Variants in GLI2 observed in about 807,000 individuals in gnomAD.
GLI2 encodes the protein GLI family zinc finger 2.
A neutral mutation model predicts 78.9 loss-of-function variants in GLI2; 22 were observed. The observed-to-expected ratio is 0.28, with a 90% confidence interval of 0.20 to 0.40. The LOEUF (loss-of-function observed/expected upper bound fraction) is 0.40, where lower values mean the gene tolerates loss of function less well. GLI2 is among the 10% of genes least tolerant of loss of function. The pLI, the probability that GLI2 is intolerant of heterozygous loss-of-function variation, is 1.00. For synonymous variants in GLI2, 974 were observed against 963.7 expected (o/e 1.01, Z -0.20); for missense variants, 2,097 against 2,213.2 (o/e 0.95, Z 1.05).
Position 120,990,705 on chromosome 2 carries a change from C to T in GLI2, c.*30C>T, listed in dbSNP as rs374028698. ...CCGAGCGCCTGGTGCTGAGTGCACC[C>T]GGAGGGGTCATCGCTGCCCAGAGCC... On this transcript the variant is annotated 3_prime_UTR_variant, in exon 14 of 14. Transcript: ENST00000361492. 2.6e-5 allele frequency: 41 copies of T among 1,576,294 alleles called. 1 individual carries two copies. The highest frequency in any genetic ancestry group is 3.4e-4 in the Middle Eastern group (2 of 5,966).
rs558198227 is a variant in GLI2, at chr2:120,982,609, G to T, written c.1468-107G>T. ...CCTTAAAATGCATGCTTCTGAGTGC[G>T]CTGACGGGTTGGAGCAGAGCAGAGA... On this transcript the variant is annotated intron_variant, in intron 10 of 13. Coordinates refer to ENST00000361492, the MANE Select transcript of GLI2 (RefSeq NM_001374353.1). 5 of 848,444 alleles carry T rather than the reference G, an allele frequency of 5.9e-6. No individual in the cohort carries two copies. In the Admixed American group the frequency reaches 6.9e-5, roughly 12 times the overall value. 52.6% of individuals were successfully genotyped at this position (848,444 alleles called of 1,614,324 possible). A position where few individuals can be genotyped will look rare whatever the true frequency, so the allele number is the denominator to read the frequency against.
intron 6 of GLI2, 48 bp from the exon 7 acceptor site, chr2:120,970,345 G>GAGCTCCCGATCCCCC: frequency 1.0e-6 from 1 of 996,774 alleles, no homozygotes; most frequent in South Asian, 1.3e-5. Flanking sequence ...CAGCCTAAGA[G>GAGCTCCCGATCCCCC]AGCTCCCGAT....
In GLI2 at chr2:120,797,212, C is replaced by T. The variant is rs369886504; in HGVS notation, c.-30-79C>T. 1.9e-4 allele frequency: 201 copies of T among 1,032,618 alleles called. 5 individuals are homozygous for T. The highest frequency in any genetic ancestry group is 1.5e-3 in the South Asian group (122 of 79,032). 64.0% of individuals were successfully genotyped at this position (1,032,618 alleles called of 1,614,324 possible). ...TGAAGTTGGTTGCTTTAGGAGCGAG[C>T]GGCGGTGTGAATCTGGGTCGGCGTT... On this transcript the variant is annotated intron_variant, in intron 1 of 13. Transcript: ENST00000361492.
At chr2:120,979,809 C>T (rs1403760862) in intron 10 of GLI2, among the ~76,000 whole-genome samples, 1 of 152,042 alleles carries the variant, frequency 6.6e-6, no homozygotes, top group Non-Finnish European at 1.5e-5. Context: ...TAATTCTGTC[C>T]TTCCCACAGC....
rs1438556054 is a variant in GLI2, at chr2:120,989,115, G to A, written c.3150G>A (p.Val1050=). The change falls in exon 14 of 14, where the codon GTG becomes GTA. Residue 1050 remains valine (V), a synonymous_variant. Coordinates refer to ENST00000361492, the MANE Select transcript of GLI2 (RefSeq NM_001374353.1). ...ACCTGGTGCTTCCAGACGACGTGGT[G>A]CAGTACATCAAGGCGCACGCCAGTG... ...EDDLVLPDDV[V]QYIKAHASGA... 6.2e-7 allele frequency: 1 copy of A among 1,612,890 alleles called. No homozygotes were observed. The highest frequency in any genetic ancestry group is 1.1e-5 in the South Asian group (1 of 91,086).
At chr2:120,959,337 T>A (rs28361410) in intron 5 of GLI2, among the ~76,000 whole-genome samples, 277 of 152,292 alleles carry the variant, frequency 1.8e-3, no homozygotes, top group African/African-American at 6.4e-3. Flanking sequence ...TATCAGTTTC[T>A]CCAGCTCCAG....
intron 2 of GLI2, among the ~76,000 whole-genome samples, chr2:120,915,013 A>G (rs1189538296): frequency 6.6e-6 from 1 of 152,086 alleles, no homozygotes; most frequent in Non-Finnish European, 1.5e-5. Flanking sequence ...CCAGACCCAA[A>G]TGGCACGGGG....
chr2:120,854,347 C>G (rs561745432), intron 2 of GLI2, among the ~76,000 whole-genome samples: 3 of 152,216 alleles, frequency 2.0e-5, no homozygotes, highest in Non-Finnish European at 2.9e-5. Context: ...TTGGGTCCCA[C>G]TTTTAAGAGG....
rs185218373 is a variant in GLI2 at position 120,929,794 on chromosome 2, C to A, written c.254+2328C>A. On this transcript the variant is annotated intron_variant, in intron 3 of 13. Transcript: ENST00000361492. ...ATGTCTGCCTGGTGGGTGTTGGAGT[C>A]ATTTCCACCCTCTGCTCACCTCCAG... 3.3e-5 allele frequency among the ~76,000 whole-genome samples: 5 copies of A among 152,302 alleles called. No individual in the cohort carries two copies. The East Asian group carries it at 9.6e-4, about 29-fold the overall frequency.
At chr2:120,826,595 C>T (rs1052532601) in intron 2 of GLI2, among the ~76,000 whole-genome samples, 9 of 152,158 alleles carry the variant, frequency 5.9e-5, no homozygotes, top group South Asian at 2.1e-4. Flanking sequence ...TATGGTCTTT[C>T]GTGTCTAATC....
intron 2 of GLI2, among the ~76,000 whole-genome samples, chr2:120,859,486 C>T (rs1335035947): frequency 1.4e-5 from 2 of 144,370 alleles, no homozygotes; most frequent in African/African-American, 5.2e-5. Flanking sequence ...GACAGAGTCT[C>T]GCTCTGTCAC....
chr2:120,736,439 G>C (rs1558772919), intron 1 of GLI2, among the ~76,000 whole-genome samples, 154 bp downstream of exon 1: 1 of 152,076 alleles, frequency 6.6e-6, no homozygotes, highest in African/African-American at 2.4e-5. Flanking sequence ...CTGGGCTTCG[G>C]GGGACTAGAG....
intron 2 of GLI2, among the ~76,000 whole-genome samples, chr2:120,859,860 C>T (rs1371067144): frequency 6.6e-6 from 1 of 152,156 alleles, no homozygotes; most frequent in East Asian, 1.9e-4. Flanking sequence ...GGCCTCTTGG[C>T]CAGGCTGGTC....
At chr2:120,964,153 A>G (rs774363349) in intron 5 of GLI2, among the ~76,000 whole-genome samples, 1 of 152,214 alleles carries the variant, frequency 6.6e-6, no homozygotes, top group East Asian at 1.9e-4. Flanking sequence ...AGGCCTGAGC[A>G]TAGGGAAGAT....
At chr2:120,746,727 A>G (rs1265407914) in intron 1 of GLI2, among the ~76,000 whole-genome samples, 1 of 152,200 alleles carries the variant, frequency 6.6e-6, no homozygotes, top group Non-Finnish European at 1.5e-5. Flanking sequence ...AAACTAAGAC[A>G]TGCCTTTTTA....
chr2:120,808,598 C>G (rs570186746), intron 2 of GLI2, among the ~76,000 whole-genome samples: 7 of 152,186 alleles, frequency 4.6e-5, no homozygotes, highest in Non-Finnish European at 1.0e-4. Context: ...GTTGCCAGTC[C>G]CCAGACTGTG....
rs539450038 is a variant in GLI2, at chr2:120,879,774, T to C, written c.149-47587T>C. The stretch of plus-strand genomic sequence containing the variant: ...AAAAGCAGTAGATTCCAATTGAGTG[T>C]GTTAAACTCTGCACGCGCCTGTTCT... On this transcript the variant is annotated intron_variant, in intron 2 of 13. Transcript: ENST00000361492. Among the ~76,000 whole-genome samples the C allele has an allele frequency of 1.1e-4, 17 of 152,340 alleles. No homozygotes were observed. In the South Asian group the frequency reaches 1.9e-3, roughly 17 times the overall value.
chr2:120,840,385 T>G (rs1686810111), intron 2 of GLI2, among the ~76,000 whole-genome samples: 1 of 152,214 alleles, frequency 6.6e-6, no homozygotes, highest in Admixed American at 6.5e-5. Context: ...GTGACTCTTG[T>G]GTGTGTGTCT....
Position 120,827,226 on chromosome 2 carries a change from C to T in GLI2, c.148+29758C>T, listed in dbSNP as rs1457545998. Among the ~76,000 whole-genome samples, 9 of 152,334 alleles carry T rather than the reference C, an allele frequency of 5.9e-5. 1 individual carries two copies. Among genetic ancestry groups the T allele is most frequent in the Middle Eastern group, 6.8e-3 (2 of 294 alleles). The stretch of plus-strand genomic sequence containing the variant: ...TTCAGGACAGCGGAGTTGGCACAGC[C>T]AAACCCGAGTGTCTGCTGATATGCT... On this transcript the variant is annotated intron_variant, in intron 2 of 13. Transcript: ENST00000361492.
Sources: gnomAD v4.1 joint callset for allele counts (sites outside exome capture counted in the v4.1 genomes callset) on GRCh38, gnomAD v4.1.1 for gene constraint, MANE v1.5 for transcripts, NCBI Gene and HGNC (gene_info 2026-07-23, HGNC 2026-07-21) for gene names.